Variants in TNR observed in about 807,000 individuals in gnomAD.
The protein encoded by TNR is tenascin R.
TNR carries 45 observed loss-of-function variants against 150.4 expected under a neutral mutation model. The observed-to-expected ratio is 0.30, with a 90% CI of 0.24 to 0.38. The LOEUF is 0.38. TNR is among the 10% of genes least tolerant of loss of function. The pLI is 1.00. For synonymous variants in TNR, 687 were observed against 678.4 expected, an observed-to-expected ratio of 1.01 and a Z score of -0.20; for missense variants, 1,544 against 1,759.1, an observed-to-expected ratio of 0.88 and a Z score of 2.19.
chr1:175,393,712 C>G, intron 6 of TNR, 68 bp downstream of exon 6: 1 of 1,325,086 alleles, frequency 7.5e-7, no homozygotes, highest in Non-Finnish European at 1.1e-6. Flanking sequence ...CTTGCTGCCC[C>G]TGATTCCAAG....
Position 175,318,758 on chromosome 1 carries a change from A to G in TNR, c.*4599T>C, listed in dbSNP as rs1648911022. On this transcript the variant is annotated 3_prime_UTR_variant, in exon 23 of 23. Coordinates refer to ENST00000367674, the MANE Select transcript of TNR (RefSeq NM_003285.3). ...GACCCTCTCTGTCATGGTAACCTGG[A>G]TGAAAGCAGACCATCAGGGAAGTGA... 1.3e-5 allele frequency: 2 copies of G among 152,182 alleles called. No homozygotes were observed. Among genetic ancestry groups the G allele is most frequent in the Admixed American group, 1.3e-4 (2 of 15,276 alleles). The allele number at this position is 152,182 out of a possible 1,614,324, so 9.4% of individuals were successfully genotyped here. A position where few individuals can be genotyped will look rare whatever the true frequency, so the allele number is the denominator to read the frequency against.
chr1:175,709,310 C>CAT (rs1666933188), intron 1 of TNR, among the ~76,000 whole-genome samples: 1 of 117,690 alleles, frequency 8.5e-6, no homozygotes, highest in Non-Finnish European at 2.0e-5. Flanking sequence ...CACACACATA[C>CAT]ACACACACAC....
intron 1 of TNR, among the ~76,000 whole-genome samples, chr1:175,703,289 T>A (rs1666751019): frequency 6.6e-6 from 1 of 152,232 alleles, no homozygotes; most frequent in South Asian, 2.1e-4. Flanking sequence ...TTAATAGCTC[T>A]TTGTTTCTAA....
intron 2 of TNR, among the ~76,000 whole-genome samples, chr1:175,505,951 G>T (rs950777389): frequency 6.6e-6 from 1 of 152,210 alleles, no homozygotes; most frequent in Non-Finnish European, 1.5e-5. Flanking sequence ...GAGGCGAGAG[G>T]ATCACTTGAC....
At chr1:175,723,800 G>A (rs190763743) in intron 1 of TNR, among the ~76,000 whole-genome samples, 11 of 152,256 alleles carry the variant, frequency 7.2e-5, no homozygotes, top group African/African-American at 2.4e-4. Flanking sequence ...GAACCCAGGA[G>A]GCTGAGGTTT....
intron 1 of TNR, among the ~76,000 whole-genome samples, chr1:175,573,342 A>G (rs959045063): frequency 6.6e-6 from 1 of 152,224 alleles, no homozygotes; most frequent in Non-Finnish European, 1.5e-5. Context: ...TCCAGGAAGC[A>G]GGGAGGTGAG....
intron 2 of TNR, among the ~76,000 whole-genome samples, chr1:175,499,098 G>T (rs1377235668): frequency 2.0e-5 from 3 of 152,224 alleles, no homozygotes; most frequent in Non-Finnish European, 4.4e-5. Context: ...GGTTGATACT[G>T]TGTGGGATCT....
At chr1:175,345,109 AAAAC>A (rs1312462142) in intron 18 of TNR, among the ~76,000 whole-genome samples, 3 of 152,172 alleles carry the variant, frequency 2.0e-5, no homozygotes, top group Admixed American at 2.0e-4. Flanking sequence ...CTCTGTCAAA[AAAAC>A]AAACAAAACA....
chr1:175,375,559 G>T (rs1652338672), intron 9 of TNR, among the ~76,000 whole-genome samples: 1 of 152,110 alleles, frequency 6.6e-6, no homozygotes, highest in Non-Finnish European at 1.5e-5. Flanking sequence ...AGGTCAAGAG[G>T]GGGTACTTGC....
In TNR at chr1:175,524,056, C is replaced by G. The variant is rs542674968; in HGVS notation, c.-64+4213G>C. Among the ~76,000 whole-genome samples, 6 of 152,214 alleles carry G rather than the reference C, an allele frequency of 3.9e-5. No homozygotes were observed. The South Asian group carries it at 1.2e-3, about 32-fold the overall frequency. On this transcript the variant is annotated intron_variant, in intron 2 of 22. Coordinates refer to ENST00000367674, the MANE Select transcript of TNR (RefSeq NM_003285.3). ...CCCATTTGCTGGAGAACTCCTTTGACAATTTCCTTGCTGCCCCCTCCCCCA... is the reference window on the plus strand; with the variant it reads ...CCCATTTGCTGGAGAACTCCTTTGAGAATTTCCTTGCTGCCCCCTCCCCCA...
intron 2 of TNR, among the ~76,000 whole-genome samples, chr1:175,471,445 T>C (rs1209666736): frequency 6.6e-6 from 1 of 152,232 alleles, no homozygotes; most frequent in Non-Finnish European, 1.5e-5. Context: ...ATATGGTGTA[T>C]GTAGCCTATT....
intron 1 of TNR, among the ~76,000 whole-genome samples, chr1:175,631,128 C>T (rs776337092): frequency 3.9e-5 from 6 of 152,216 alleles, no homozygotes; most frequent in Non-Finnish European, 5.9e-5. Context: ...CAAGTCCAAT[C>T]AGTCATCCCT....
intron 2 of TNR, among the ~76,000 whole-genome samples, chr1:175,506,045 C>G (rs965826363): frequency 6.6e-6 from 1 of 152,128 alleles, no homozygotes; most frequent in Non-Finnish European, 1.5e-5. Context: ...GTCTCAGAAA[C>G]AACAGATGAA....
intron 1 of TNR, among the ~76,000 whole-genome samples, chr1:175,656,414 C>G (rs1665179739): frequency 6.6e-6 from 1 of 152,140 alleles, no homozygotes. Flanking sequence ...GAACCAGCAA[C>G]CTCTCAGTAA....
At chr1:175,661,303 C>A (rs1665364576) in intron 1 of TNR, among the ~76,000 whole-genome samples, 1 of 152,200 alleles carries the variant, frequency 6.6e-6, no homozygotes, top group African/African-American at 2.4e-5. Flanking sequence ...AATGAGCCAT[C>A]CCCACTGTAC....
intron 20 of TNR, among the ~76,000 whole-genome samples, chr1:175,332,829 A>T (rs2298920): frequency 0.69 from 104,461 of 152,104 alleles, 36,266 homozygotes; most frequent in East Asian, 0.8. Flanking sequence ...TGTGGCCTTC[A>T]TTTCAGTGAC....
chr1:175,388,113 G>C (rs1167849338), intron 7 of TNR, among the ~76,000 whole-genome samples: 1 of 152,128 alleles, frequency 6.6e-6, no homozygotes, highest in Non-Finnish European at 1.5e-5. Flanking sequence ...TATGAAATGG[G>C]GGAAGTGGCC....
intron 1 of TNR, among the ~76,000 whole-genome samples, chr1:175,619,018 TGGCAG>T (rs1324084380): frequency 1.3e-5 from 2 of 152,186 alleles, no homozygotes; most frequent in African/African-American, 2.4e-5. Flanking sequence ...GGTGAAGGGC[TGGCAG>T]GGCAACTTCT....
At chr1:175,609,562 T>A (rs1199608803) in intron 1 of TNR, among the ~76,000 whole-genome samples, 1 of 152,156 alleles carries the variant, frequency 6.6e-6, no homozygotes, top group African/African-American at 2.4e-5. Flanking sequence ...ATATCCAAGG[T>A]GTCATCCTTA....
Sources: allele counts gnomAD v4.1 joint callset (sites outside exome capture counted in the v4.1 genomes callset), GRCh38; gene constraint gnomAD v4.1.1; transcripts MANE v1.5; gene names NCBI Gene and HGNC (gene_info 2026-07-23, HGNC 2026-07-21).